The following DNAJC14 variants were observed in gnomAD, a reference collection of about 807,000 sequenced individuals.
The protein encoded by DNAJC14 is DnaJ heat shock protein family (Hsp40) member C14.
A neutral mutation model predicts 68.8 loss-of-function variants in DNAJC14; 12 were observed. The observed-to-expected ratio is 0.17, with a 90% confidence interval of 0.11 to 0.28. The LOEUF is 0.28. DNAJC14 is among the 10% of genes least tolerant of loss of function. The pLI, the probability that DNAJC14 is intolerant of heterozygous loss-of-function variation, is 1.00. For synonymous variants in DNAJC14, 350 were observed against 321.5 expected (o/e 1.09, Z -0.95); for missense variants, 764 against 875.6 (o/e 0.87, Z 1.61).
At chr12:55,822,551 T>G (rs1880697228) in intron 5 of DNAJC14, 21 bp downstream of exon 5, 2 of 1,614,048 alleles carry the variant, frequency 1.2e-6, no homozygotes, top group African/African-American at 2.7e-5. Context: ...TGAGCCTGTA[T>G]TTCTAGAGGA....
Position 55,821,843 on chromosome 12 carries a change from A to C in DNAJC14, c.*134T>G, listed in dbSNP as rs965031515. On this transcript the variant is annotated 3_prime_UTR_variant, in exon 7 of 7. Coordinates refer to ENST00000678005, the MANE Select transcript of DNAJC14 (RefSeq NM_032364.6). ...CTGCACTCCAGCTGGGCAACAGAGC[A>C]AGACTCCATCTCAAAAAATAAAAAG... The C allele has an allele frequency of 9.8e-7, 1 of 1,022,860 alleles. No homozygotes were observed. 63.4% of individuals were successfully genotyped at this position (1,022,860 alleles called of 1,614,324 possible).
At chr12:55,824,729 A>C (rs80177273) in intron 2 of DNAJC14, among the ~76,000 whole-genome samples, 2,106 of 152,294 alleles carry the variant, frequency 0.014, 44 homozygotes, top group African/African-American at 0.048. Flanking sequence ...ATTTTTGTTA[A>C]GAATAATATT....
chr12:55,829,299 G>T (rs1313987838), intron 1 of DNAJC14, 190 bp downstream of exon 1: 13 of 867,958 alleles, frequency 1.5e-5, no homozygotes, highest in Non-Finnish European at 1.8e-5. Flanking sequence ...ACAGAAATTC[G>T]CCAGGCGTGG....
chr12:55,827,304 G>A lies in DNAJC14; in HGVS notation c.1355C>T (p.Ala452Val). 1 of 1,590,190 alleles carries A rather than the reference G, an allele frequency of 6.3e-7. No individual in the cohort carries two copies. Among genetic ancestry groups the A allele is most frequent in the Non-Finnish European group, 8.6e-7 (1 of 1,167,450 alleles). Residue 452 changes from alanine to valine, a missense_variant, in exon 2 of 7, where the codon GCC becomes GTC. Coordinates refer to ENST00000678005, the MANE Select transcript of DNAJC14 (RefSeq NM_032364.6). ...LNPFHVLGVE[A>V]TASDVELKKA... is the part of the protein sequence containing the mutation. ...CTTCAGTTCAACATCTGATGCTGTG[G>A]CCTCAACCCCCAGTACATGGAAAGG...
chr12:55,830,656 C>G (rs1024140148), upstream of DNAJC14: 1 of 152,524 alleles, frequency 6.6e-6, no homozygotes, highest in African/African-American at 2.4e-5. Flanking sequence ...ATTCGGAGAC[C>G]CTTCTCCAAA....
intron 2 of DNAJC14, 40 bp from the exon 3 acceptor site, chr12:55,823,548 C>T (rs2136217214): frequency 1.9e-6 from 3 of 1,548,856 alleles, no homozygotes; most frequent in Non-Finnish European, 2.7e-6. Context: ...TCCATTCCAA[C>T]CCTCTCCTCA....
rs565049232 is a variant in DNAJC14, at chr12:55,827,994, C to T, written c.665G>A (p.Arg222Gln). Residue 222 changes from arginine to glutamine, a missense_variant, in exon 2 of 7, where the codon CGG (arginine) becomes CAG (glutamine). Coordinates refer to ENST00000678005, the MANE Select transcript of DNAJC14 (RefSeq NM_032364.6). ...TGCCTGACTTCGTTTCCGACCCAGC[C>T]GATGTCGACCAGGGGACCTGGGATC... The part of the protein sequence containing the change: ...RRDPRSPGRH[R>Q]LGRKRSQADK... 5.0e-6 allele frequency: 8 copies of T among 1,613,242 alleles called. No homozygotes were observed. The highest frequency in any genetic ancestry group is 1.7e-5 in the Admixed American group (1 of 59,964).
Position 55,827,597 on chromosome 12 carries a change from G to T in DNAJC14, c.1062C>A (p.Asp354Glu), listed in dbSNP as rs537173933. The change falls in exon 2 of 7, where the codon GAC (aspartate) becomes GAA (glutamate). Residue 354 changes from aspartate (D) to glutamate (E), a missense_variant. By Grantham distance (45) the Asp-to-Glu change is conservative. This residue lies in a region of DNAJC14 where 514 missense variants were observed against 521.7 expected (regional missense o/e 0.99). Transcript: ENST00000678005. ...TAGCCTTATCCCTCCAGCCTAACCG[G>T]TCACCTAGTCCCACCAGAAACCGCC... ...LGWRFLVGLGDRLGWRDKATW... is the reference protein window; with the variant it reads ...LGWRFLVGLGERLGWRDKATW... 5 of 1,606,800 alleles carry T rather than the reference G, an allele frequency of 3.1e-6. No individual in the cohort carries two copies. The East Asian group carries it at 1.1e-4, about 36-fold the overall frequency.
chr12:55,823,599 C>T (rs1377761671), intron 2 of DNAJC14, 91 bp from the exon 3 acceptor site: 2 of 1,130,790 alleles, frequency 1.8e-6, no homozygotes, highest in Non-Finnish European at 2.6e-6. Context: ...TCTTTCATCA[C>T]CCTTTTGAAG....
intron 2 of DNAJC14, among the ~76,000 whole-genome samples, chr12:55,825,666 C>G (rs1880775213): frequency 1.3e-5 from 2 of 151,354 alleles, no homozygotes; most frequent in South Asian, 4.2e-4. Context: ...GCCTCAGCCT[C>G]CCGAGTAGCT....
chr12:55,828,390 G>A lies in DNAJC14; in HGVS notation c.269C>T (p.Pro90Leu). 3 of 1,614,134 alleles carry A rather than the reference G, an allele frequency of 1.9e-6. No individual in the cohort carries two copies. The highest frequency in any genetic ancestry group is 1.7e-6 in the Non-Finnish European group (2 of 1,180,018). ...TTCTGAAGACGTCTCACTCTGATCA[G>A]GGTCCTCTGCATCTCTAGGTGGTCC... is the stretch of plus-strand genomic sequence containing the variant. ...GPGPPRDAED[P>L]DQSETSSEEE... The change falls in exon 2 of 7, where the codon CCT (proline) becomes CTT (leucine). Residue 90 changes from proline to leucine, a missense_variant. By Grantham distance (98) the Pro-to-Leu change is moderately conservative. Around this residue, in one of 4 missense-constraint regions of DNAJC14, gnomAD observed 514 missense variants for 521.7 expected, o/e 0.99. Transcript: ENST00000678005.
At chr12:55,825,791 A>G (rs1433316090) in intron 2 of DNAJC14, among the ~76,000 whole-genome samples, 1 of 151,188 alleles carries the variant, frequency 6.6e-6, no homozygotes, top group Non-Finnish European at 1.5e-5. Context: ...TGATCTGCCC[A>G]CCTCACCCTC....
chr12:55,823,279 CGAGA>C, intron 3 of DNAJC14, 90 bp from the exon 4 acceptor site: 1 of 1,602,590 alleles, frequency 6.2e-7, no homozygotes. Flanking sequence ...CCCTGTCTAG[CGAGA>C]AAGACAAGTG....
intron 1 of DNAJC14, chr12:55,829,184 C>G (rs112561781): frequency 0.056 from 55,040 of 985,642 alleles, 6,714 homozygotes; most frequent in African/African-American, 0.45. Flanking sequence ...CCGTGGCTCA[C>G]GCCTGTAATC....
At position 55,822,487 on chromosome 12, in the gene DNAJC14, A is replaced by G. The variant is rs1456952848; in HGVS notation, c.1796-12T>C. On this transcript the variant is annotated splice_polypyrimidine_tract_variant and intron_variant, in intron 5 of 6. Transcript: ENST00000678005. ...GCATCCAGCCCACTCTATAAACATG[A>G]GAAATAATTAGCCAAAACGTCGCAG... 4 of 1,613,836 alleles carry G rather than the reference A, an allele frequency of 2.5e-6. No individual in the cohort carries two copies. The East Asian group carries it at 8.9e-5, about 36-fold the overall frequency.
chr12:55,830,746 TG>T (rs970953732), upstream of DNAJC14: 4 of 152,656 alleles, frequency 2.6e-5, no homozygotes, highest in Admixed American at 2.6e-4. Flanking sequence ...GTAGGCAACC[TG>T]GGTCCCCCCA....
At chr12:55,824,628 CAG>C (rs952867892) in intron 2 of DNAJC14, among the ~76,000 whole-genome samples, 1 of 152,152 alleles carries the variant, frequency 6.6e-6, no homozygotes, top group Non-Finnish European at 1.5e-5. Context: ...TGGTCCAGGA[CAG>C]AGAGAGATCT....
At chr12:55,823,955 C>T (rs1208446108) in intron 2 of DNAJC14, among the ~76,000 whole-genome samples, 1 of 151,262 alleles carries the variant, frequency 6.6e-6, no homozygotes, top group Admixed American at 6.6e-5. Context: ...CTGCCTACCT[C>T]AGCCTCCCAA....
Position 55,822,710 on chromosome 12 carries a change from G to A in DNAJC14, c.1657C>T (p.Pro553Ser). The change falls in exon 5 of 7, where the codon CCT (proline) becomes TCT (serine). Residue 553 changes from proline to serine, a missense_variant. This residue lies in a region of DNAJC14 where 110 missense variants were observed against 162.7 expected (regional missense o/e 0.68). Coordinates refer to ENST00000678005, the MANE Select transcript of DNAJC14 (RefSeq NM_032364.6). ...KHRRFEMDRE[P>S]KSARYCAECN... ...TCAGCACAGTATCTGGCACTCTTAG[G>A]TTCCCGGTCCATTTCAAACCTCCTG... 6.2e-7 allele frequency: 1 copy of A among 1,614,022 alleles called. No homozygotes were observed. The highest frequency in any genetic ancestry group is 8.5e-7 in the Non-Finnish European group (1 of 1,179,986).
Sources: gnomAD v4.1 joint callset for allele counts (sites outside exome capture counted in the v4.1 genomes callset) on GRCh38, gnomAD v4.1.1 for gene constraint, gnomAD v4.1.1 regional missense constraint, MANE v1.5 for transcripts, NCBI Gene and HGNC (gene_info 2026-07-23, HGNC 2026-07-21) for gene names.